Variants in PILRA observed in about 807,000 individuals in gnomAD.
PILRA encodes paired immunoglobin like type 2 receptor alpha.
PILRA carries 37 observed loss-of-function variants against 33.1 expected under a neutral mutation model. The observed-to-expected ratio is 1.12, with a 90% CI of 0.86 to 1.47. The LOEUF is 1.47. PILRA is among the 40% of genes most tolerant of loss of function. PILRA has a pLI of 0.00. For missense variants in PILRA, 312 were observed against 376.2 expected, an observed-to-expected ratio of 0.83 and a Z score of 1.41; for synonymous variants, 146 against 149.9, an observed-to-expected ratio of 0.97 and a Z score of 0.19.
chr7:100,389,609 GGAAT>G (rs1563120623), intron 2 of PILRA, among the ~76,000 whole-genome samples: 1 of 147,746 alleles, frequency 6.8e-6, no homozygotes, highest in Non-Finnish European at 1.5e-5. Context: ...AAGGAAGAAA[GGAAT>G]GAAGGAAAGA....
chr7:100,392,503 A>C (rs1264907326), intron 3 of PILRA, among the ~76,000 whole-genome samples: 1 of 152,212 alleles, frequency 6.6e-6, no homozygotes, highest in Non-Finnish European at 1.5e-5. Flanking sequence ...TACTGTGTTT[A>C]GATCTTGCAG....
chr7:100,384,062 C>T (rs1312151267), intron 2 of PILRA, among the ~76,000 whole-genome samples: 1 of 151,884 alleles, frequency 6.6e-6, no homozygotes, highest in Non-Finnish European at 1.5e-5. Flanking sequence ...TGGCAGTGCA[C>T]GAGGTGAGAG....
upstream of PILRA, among the ~76,000 whole-genome samples, chr7:100,371,629 C>T (rs1456096034): frequency 2.0e-5 from 3 of 152,300 alleles, no homozygotes; most frequent in East Asian, 1.9e-4. Context: ...CGACTTCCCA[C>T]GCCTCTCCCA....
intron 3 of PILRA, among the ~76,000 whole-genome samples, chr7:100,390,329 C>T (rs139978903): frequency 0.012 from 1,884 of 152,180 alleles, 47 homozygotes; most frequent in African/African-American, 0.042. Flanking sequence ...TTCACACAGC[C>T]GATCCCCCCC....
intron 3 of PILRA, among the ~76,000 whole-genome samples, chr7:100,397,050 G>C (rs1791510707): frequency 6.7e-6 from 1 of 150,282 alleles, no homozygotes; most frequent in Non-Finnish European, 1.5e-5. Flanking sequence ...CAGAGGGACA[G>C]AAGAGTGCTG....
At chr7:100,399,483 G>C in intron 5 of PILRA, 98 bp from the exon 6 acceptor site, 1 of 1,477,746 alleles carries the variant, frequency 6.8e-7, no homozygotes, top group Non-Finnish European at 9.5e-7. Context: ...CCCTGGCCCT[G>C]ACCTAGCAGA....
At chr7:100,395,699 C>T (rs1353064238) in intron 3 of PILRA, among the ~76,000 whole-genome samples, 3 of 152,020 alleles carry the variant, frequency 2.0e-5, no homozygotes, top group Admixed American at 2.0e-4. Context: ...AGAAGGACAG[C>T]TACTATTTAA....
intron 2 of PILRA, among the ~76,000 whole-genome samples, chr7:100,387,372 C>T (rs1358978063): frequency 1.3e-5 from 2 of 152,140 alleles, no homozygotes; most frequent in Non-Finnish European, 2.9e-5. Flanking sequence ...CGCCACCACA[C>T]CCAGCTAATT....
In PILRA at chr7:100,380,741, G is replaced by A. The variant is rs148450209; in HGVS notation, c.454+6308G>A. 6.8e-3 allele frequency among the ~76,000 whole-genome samples: 1,042 copies of A among 152,268 alleles called. 12 individuals carry two copies. Among genetic ancestry groups the A allele is most frequent in the South Asian group, 0.023 (109 of 4,830 alleles). ...AGCAGTTTGGTAGGCCGAGGCGGGC[G>A]GATCACTTGAAGTCAGAAGTCGAGA... On this transcript the variant is annotated intron_variant, in intron 2 of 6. Coordinates refer to ENST00000198536, the MANE Select transcript of PILRA (RefSeq NM_013439.3).
intron 4 of PILRA, among the ~76,000 whole-genome samples, chr7:100,398,607 AC>A (rs764188847): frequency 2.2e-4 from 33 of 151,590 alleles, no homozygotes; most frequent in Non-Finnish European, 1.0e-4. Context: ...CCCAGCCTGA[AC>A]CCCTCCCTGA....
chr7:100,398,141 CACAA>C (rs1227006109), intron 4 of PILRA, among the ~76,000 whole-genome samples: 11 of 152,224 alleles, frequency 7.2e-5, no homozygotes, highest in Admixed American at 7.2e-4. Flanking sequence ...CAGGTTCCAG[CACAA>C]ACATTCAAGA....
chr7:100,397,160 G>C (rs1472533215), intron 3 of PILRA, among the ~76,000 whole-genome samples: 1 of 149,200 alleles, frequency 6.7e-6, no homozygotes, highest in African/African-American at 2.5e-5. Context: ...AGAAGTGGAA[G>C]GGGAGGTCCC....
chr7:100,393,822 G>GA (rs953633439), intron 3 of PILRA, among the ~76,000 whole-genome samples: 32 of 148,134 alleles, frequency 2.2e-4, no homozygotes, highest in Admixed American at 4.7e-4. Flanking sequence ...AGGAAGAAAG[G>GA]AAAAAAAAAA....
intron 4 of PILRA, 40 bp downstream of exon 4, chr7:100,397,952 T>C (rs370860263): frequency 2.5e-6 from 4 of 1,605,878 alleles, no homozygotes; most frequent in Non-Finnish European, 3.4e-6. Flanking sequence ...GGGGGGTGCA[T>C]GTGCAGGCAG....
chr7:100,374,065 C>A lies in PILRA; in HGVS notation c.86C>A (p.Pro29Gln). 1 of 1,614,022 alleles carries A rather than the reference C, an allele frequency of 6.2e-7. No homozygotes were observed. The highest frequency in any genetic ancestry group is 8.5e-7 in the Non-Finnish European group (1 of 1,179,944). ...LQPSGSTGSG[P>Q]SYLYGVTQPK... ...CTAGGTGGCTCCACAGGATCTGGTC[C>A]AAGCTACCTTTATGGGGTCACTCAA... is the stretch of plus-strand genomic sequence containing the variant. The change falls in exon 2 of 7, where the codon CCA becomes CAA. Residue 29 changes from proline to glutamine, a missense_variant. Coordinates refer to ENST00000198536, the MANE Select transcript of PILRA (RefSeq NM_013439.3).
chr7:100,393,626 A>AT (rs1362903332), intron 3 of PILRA, among the ~76,000 whole-genome samples: 2 of 152,072 alleles, frequency 1.3e-5, no homozygotes, highest in Non-Finnish European at 2.9e-5. Context: ...GAGTTGGGTT[A>AT]TTTTTTTCCT....
rs769373354 is a variant in PILRA, at chr7:100,390,064, AT to A, written c.635del (p.Leu212TrpfsTer3). ...AVAVTVLGIMILGLICLLRWR... is the reference protein window; with the variant it reads ...AVAVTVLGIMXLGLICLLRWR... ...GGCTGTCACTGTGCTCGGAATCATG[AT>A]TTTGGGACTGATCTGCCTCCTCAGG... On this transcript the variant is annotated frameshift_variant, in exon 3 of 7. Transcript: ENST00000198536. LOFTEE classifies it high-confidence loss of function. 6.2e-7 allele frequency: 1 copy of A among 1,613,886 alleles called. No homozygotes were observed. Among genetic ancestry groups the A allele is most frequent in the African/African-American group, 1.3e-5 (1 of 74,844 alleles).
chr7:100,377,401 C>G (rs1027076712), intron 2 of PILRA, among the ~76,000 whole-genome samples: 5 of 151,466 alleles, frequency 3.3e-5, no homozygotes, highest in Non-Finnish European at 7.4e-5. Flanking sequence ...CCACCGTGCC[C>G]GACTAATTTT....
At chr7:100,376,681 C>T (rs920189687) in intron 2 of PILRA, among the ~76,000 whole-genome samples, 4 of 150,298 alleles carry the variant, frequency 2.7e-5, no homozygotes, top group Admixed American at 2.7e-4. Context: ...AGGCTGCTCT[C>T]GAACTCCTGA....
Sources: gnomAD v4.1 joint callset for allele counts (sites outside exome capture counted in the v4.1 genomes callset) on GRCh38, gnomAD v4.1.1 for gene constraint, MANE v1.5 for transcripts, NCBI Gene and HGNC (gene_info 2026-07-23, HGNC 2026-07-21) for gene names.